TNC: variants seen among roughly 807,000 people sequenced by gnomAD.
TNC encodes tenascin.
TNC carries 109 observed loss-of-function variants against 202.4 expected under a neutral mutation model. The ratio of observed to expected loss-of-function variants is 0.54; its 90% CI spans 0.46 to 0.63. The LOEUF is 0.63. Ranked by LOEUF, TNC falls within the 30% of genes least tolerant of loss-of-function variation. The pLI is 0.00. For synonymous variants in TNC, 1,007 were observed against 1,089.7 expected (o/e 0.92, Z 1.50); for missense variants, 2,756 against 2,833.3 (o/e 0.97, Z 0.62).
intron 10 of TNC, among the ~76,000 whole-genome samples, chr9:115,067,184 C>T (rs1452756674): frequency 6.6e-6 from 1 of 152,184 alleles, no homozygotes; most frequent in Non-Finnish European, 1.5e-5. Flanking sequence ...GTGATTATAC[C>T]CTTGACATTG....
rs1588051513 is a variant in TNC at position 115,046,577 on chromosome 9, T to G, written c.4958A>C (p.Lys1653Thr). The part of the protein sequence containing the change: ...DEGVFDNFVL[K>T]IRDTKKQSEP... ...AGACTGCTTTTTGGTATCTCTGATT[T>G]TGAGAACAAAATTGTCGAAGACCCC... The change falls in exon 17 of 28, where the codon AAA becomes ACA. Residue 1653 changes from lysine to threonine, a missense_variant. Coordinates refer to ENST00000350763, the MANE Select transcript of TNC (RefSeq NM_002160.4). 2 of 1,614,120 alleles carry G rather than the reference T, an allele frequency of 1.2e-6. No homozygotes were observed. Among genetic ancestry groups the G allele is most frequent in the Non-Finnish European group, 1.7e-6 (2 of 1,179,998 alleles).
chr9:115,067,350 G>A (rs556329866), intron 10 of TNC, among the ~76,000 whole-genome samples: 1 of 110,406 alleles, frequency 9.1e-6, no homozygotes, highest in South Asian at 2.3e-4. Flanking sequence ...TCCTGTTTTT[G>A]TTTCTCTGCT....
chr9:115,052,079 C>CATATATATATATATATATACACAT (rs3035495), intron 15 of TNC, among the ~76,000 whole-genome samples: 5 of 146,858 alleles, frequency 3.4e-5, no homozygotes, highest in African/African-American at 1.0e-4. Context: ...TGTATATATA[C>CATATATATATATATATATACACAT]ATATATATAT....
chr9:115,096,388 G>A (rs1262887996), intron 1 of TNC, among the ~76,000 whole-genome samples: 1 of 152,164 alleles, frequency 6.6e-6, no homozygotes, highest in African/African-American at 2.4e-5. Context: ...GTACTTAAGA[G>A]CCCATGGGGC....
At chr9:115,053,738 C>T (rs976315521) in intron 15 of TNC, among the ~76,000 whole-genome samples, 24 of 152,112 alleles carry the variant, frequency 1.6e-4, no homozygotes, top group African/African-American at 5.8e-4. Flanking sequence ...TTTTACAGTA[C>T]TTAATATGCA....
intron 15 of TNC, among the ~76,000 whole-genome samples, chr9:115,050,716 C>A (rs1219415884): frequency 1.3e-5 from 2 of 152,154 alleles, no homozygotes; most frequent in African/African-American, 4.8e-5. Context: ...GCAGAAAGAA[C>A]CTAGCATGTA....
chr9:115,043,322 C>T (rs1022387498), intron 17 of TNC, among the ~76,000 whole-genome samples: 3 of 152,116 alleles, frequency 2.0e-5, no homozygotes, highest in Admixed American at 6.5e-5. Context: ...GACATCTCCT[C>T]CTACAGCTTT....
intron 6 of TNC, among the ~76,000 whole-genome samples, chr9:115,078,604 A>C (rs758967451): frequency 2.0e-5 from 3 of 152,096 alleles, no homozygotes; most frequent in Non-Finnish European, 4.4e-5. Flanking sequence ...AGTCTCTTTA[A>C]ATTTTTAATT....
intron 1 of TNC, among the ~76,000 whole-genome samples, chr9:115,092,752 T>A (rs898975470): frequency 2.2e-5 from 3 of 134,822 alleles, no homozygotes; most frequent in African/African-American, 7.6e-5. Context: ...TTTTTGTATT[T>A]TTTTTTTTTT....
At chr9:115,052,987 G>C (rs1831821394) in intron 15 of TNC, 1 of 701,640 alleles carries the variant, frequency 1.4e-6, no homozygotes, top group Admixed American at 2.0e-5. Context: ...TATTGCTAAA[G>C]ATTAGCGTGC....
At chr9:115,023,407 A>G (rs1829236904) in intron 27 of TNC, among the ~76,000 whole-genome samples, 2 of 152,184 alleles carry the variant, frequency 1.3e-5, no homozygotes, top group South Asian at 4.1e-4. Flanking sequence ...GGATCGAAAA[A>G]AATCTGTTTC....
rs79648935 is a variant in TNC, at chr9:115,074,180, A to C, written c.2951-314T>G. 5.6e-3 allele frequency among the ~76,000 whole-genome samples: 850 copies of C among 152,332 alleles called. 7 individuals carry two copies. The highest frequency in any genetic ancestry group is 0.02 in the African/African-American group (819 of 41,568). Reference sequence around the variant, plus strand: ...TTGATAAAAGAAGCAATTTAGATGAATCTCGAGAGAATTATGCTGAAGGAA... The same window carrying C: ...TTGATAAAAGAAGCAATTTAGATGACTCTCGAGAGAATTATGCTGAAGGAA... On this transcript the variant is annotated intron_variant, in intron 9 of 27. Coordinates refer to ENST00000350763, the MANE Select transcript of TNC (RefSeq NM_002160.4).
intron 3 of TNC, 108 bp from the exon 4 acceptor site, chr9:115,084,580 C>G: frequency 7.5e-7 from 1 of 1,326,090 alleles, no homozygotes; most frequent in Non-Finnish European, 1.0e-6. Flanking sequence ...GTCTGAAGAT[C>G]TTCTGTTGCC....
At position 115,030,311 on chromosome 9, in the gene TNC, A is replaced by T. The variant is rs764271435; in HGVS notation, c.6015T>A (p.Asp2005Glu). ...AGAAGACTTCCAGCGCCTCAGCCTT[A>T]TCACCATTCAGATAAATGGTGTAGA... ...SGLYTIYLNG[D>E]KAEALEVFCD... The change falls in exon 24 of 28, where the codon GAT (aspartate) becomes GAA (glutamate). Residue 2005 changes from aspartate to glutamate, a missense_variant. This residue lies in a region of TNC where 197 missense variants were observed against 287.3 expected (regional missense o/e 0.69). Transcript: ENST00000350763. The T allele has an allele frequency of 6.2e-7, 1 of 1,613,920 alleles. No homozygotes were observed. Among genetic ancestry groups the T allele is most frequent in the South Asian group, 1.1e-5 (1 of 91,060 alleles).
At chr9:115,075,958 GT>G in intron 9 of TNC, 73 bp downstream of exon 9, 1 of 1,327,162 alleles carries the variant, frequency 7.5e-7, no homozygotes, top group Non-Finnish European at 1.1e-6. Context: ...CTTTAAATAG[GT>G]TTTGGCCACA....
At chr9:115,059,664 C>CGCAT (rs1468148583) in intron 14 of TNC, 66 bp downstream of exon 14, 6 of 1,478,334 alleles carry the variant, frequency 4.1e-6, no homozygotes, top group Non-Finnish European at 5.5e-6. Flanking sequence ...GCTGACTCCG[C>CGCAT]GCATGATCTC....
At chr9:115,048,190 C>T in intron 16 of TNC, 70 bp downstream of exon 16, 7 of 1,547,610 alleles carry the variant, frequency 4.5e-6, no homozygotes, top group East Asian at 4.5e-5. Flanking sequence ...AAAGTCATGG[C>T]GATCCGGTAG....
intron 9 of TNC, among the ~76,000 whole-genome samples, chr9:115,075,152 G>A (rs1241072521): frequency 2.0e-5 from 3 of 152,014 alleles, no homozygotes; most frequent in Non-Finnish European, 4.4e-5. Flanking sequence ...GGGGCTGGGG[G>A]AGAGGCAGAG....
chr9:115,053,140 T>C, intron 15 of TNC: 2 of 611,276 alleles, frequency 3.3e-6, no homozygotes, highest in East Asian at 2.7e-5. Context: ...GAAGAGACAG[T>C]ATGTTAGGCT....
Sources: allele counts gnomAD v4.1 joint callset (sites outside exome capture counted in the v4.1 genomes callset), GRCh38; gene constraint gnomAD v4.1.1; regional missense constraint gnomAD v4.1.1; transcripts MANE v1.5; gene names NCBI Gene and HGNC (gene_info 2026-07-23, HGNC 2026-07-21).